Variants in GALNT17 observed in about 807,000 individuals in gnomAD.
GALNT17 encodes the protein UDP-GalNAc:polypeptide N-acetylgalactosaminyltransferase-like 3.
A neutral mutation model predicts 63.7 loss-of-function variants in GALNT17; 29 were observed. The observed-to-expected ratio is 0.46, with a 90% CI of 0.34 to 0.62. GALNT17 has a LOEUF of 0.62. GALNT17 is among the 20% of genes least tolerant of loss of function. GALNT17 has a pLI of 0.01. For synonymous variants in GALNT17, 305 were observed against 318.3 expected, an observed-to-expected ratio of 0.96 and a Z score of 0.45; for missense variants, 603 against 799.6, an observed-to-expected ratio of 0.75 and a Z score of 2.97.
At chr7:71,461,858 C>A (rs1240505241) in intron 5 of GALNT17, among the ~76,000 whole-genome samples, 1 of 152,154 alleles carries the variant, frequency 6.6e-6, no homozygotes, top group Non-Finnish European at 1.5e-5. Context: ...CTCGACAGGT[C>A]CGAGTTACTT....
intron 1 of GALNT17, among the ~76,000 whole-genome samples, chr7:71,154,160 G>A (rs546755926): frequency 4.6e-5 from 7 of 152,162 alleles, no homozygotes; most frequent in South Asian, 2.1e-4. Context: ...CTTTGAAGCC[G>A]TGTGCCACCA....
At chr7:71,581,013 CAGTT>C (rs1240794603) in intron 6 of GALNT17, among the ~76,000 whole-genome samples, 1 of 152,012 alleles carries the variant, frequency 6.6e-6, no homozygotes, top group Non-Finnish European at 1.5e-5. Context: ...AAACAAAAGA[CAGTT>C]AATTGATTCA....
At chr7:71,666,929 T>C (rs979125659) in intron 7 of GALNT17, among the ~76,000 whole-genome samples, 3 of 152,256 alleles carry the variant, frequency 2.0e-5, no homozygotes, top group Non-Finnish European at 4.4e-5. Flanking sequence ...TTTCCTCAGC[T>C]GTAAAATGAG....
At chr7:71,634,183 A>T (rs1790496274) in intron 6 of GALNT17, among the ~76,000 whole-genome samples, 1 of 151,858 alleles carries the variant, frequency 6.6e-6, no homozygotes, top group Non-Finnish European at 1.5e-5. Context: ...CTTTCTGTCC[A>T]TGTGCAATTG....
intron 6 of GALNT17, among the ~76,000 whole-genome samples, chr7:71,615,448 T>C (rs2116960246): frequency 1.3e-5 from 2 of 150,488 alleles, no homozygotes; most frequent in East Asian, 3.9e-4. Flanking sequence ...TTTTTCTATC[T>C]GCACTTTAGG....
chr7:71,494,857 T>C (rs912527327), intron 5 of GALNT17, among the ~76,000 whole-genome samples: 2 of 152,122 alleles, frequency 1.3e-5, no homozygotes, highest in Admixed American at 1.3e-4. Flanking sequence ...CAGGAAAGCT[T>C]GTGCGGGGGA....
chr7:71,622,913 A>G (rs1790317526), intron 6 of GALNT17, among the ~76,000 whole-genome samples: 1 of 152,186 alleles, frequency 6.6e-6, no homozygotes, highest in South Asian at 2.1e-4. Context: ...AAGATCTTTA[A>G]GCCCAGACTT....
intron 5 of GALNT17, among the ~76,000 whole-genome samples, chr7:71,552,015 T>TTTATTTA (rs1554307567): frequency 7.4e-5 from 2 of 27,102 alleles, no homozygotes; most frequent in Non-Finnish European, 1.4e-4. Context: ...GCTCTTTTTA[T>TTTATTTA]TTATTTATTT....
intron 2 of GALNT17, among the ~76,000 whole-genome samples, chr7:71,383,939 ACT>A (rs2116327686): frequency 6.6e-6 from 1 of 151,674 alleles, no homozygotes; most frequent in South Asian, 2.1e-4. Flanking sequence ...TCTCTTCAAG[ACT>A]CTGCTTTCAG....
At chr7:71,474,035 G>A (rs903783920) in intron 5 of GALNT17, among the ~76,000 whole-genome samples, 1 of 152,118 alleles carries the variant, frequency 6.6e-6, no homozygotes, top group Admixed American at 6.5e-5. Flanking sequence ...GCTAAACAAG[G>A]TGTGGATTAC....
chr7:71,589,564 C>G (rs975238794), intron 6 of GALNT17, among the ~76,000 whole-genome samples: 1 of 151,526 alleles, frequency 6.6e-6, no homozygotes, highest in Non-Finnish European at 1.5e-5. Context: ...AAACTGACAC[C>G]TTGTCTCTGA....
intron 6 of GALNT17, among the ~76,000 whole-genome samples, chr7:71,595,868 A>G (rs531422905): frequency 6.6e-6 from 1 of 152,238 alleles, no homozygotes; most frequent in East Asian, 1.9e-4. Flanking sequence ...TGAGATTTAT[A>G]CTAATGTAGT....
chr7:71,197,826 G>T (rs1387134541), intron 1 of GALNT17, among the ~76,000 whole-genome samples: 5 of 151,878 alleles, frequency 3.3e-5, no homozygotes, highest in Admixed American at 6.6e-5. Flanking sequence ...TATGTATCAA[G>T]ATTTTCTTTA....
At chr7:71,210,077 C>G (rs1012060241) in intron 1 of GALNT17, among the ~76,000 whole-genome samples, 2 of 152,154 alleles carry the variant, frequency 1.3e-5, no homozygotes, top group African/African-American at 4.8e-5. Context: ...CACCTGCCAC[C>G]ATGCCTGGCT....
At chr7:71,555,228 A>G (rs1789143354) in intron 5 of GALNT17, among the ~76,000 whole-genome samples, 1 of 150,908 alleles carries the variant, frequency 6.6e-6, no homozygotes, top group Non-Finnish European at 1.5e-5. Flanking sequence ...ACATTTCATC[A>G]TGAGATTTGG....
intron 5 of GALNT17, among the ~76,000 whole-genome samples, chr7:71,496,954 T>G (rs925275380): frequency 6.6e-6 from 1 of 151,040 alleles, no homozygotes; most frequent in African/African-American, 2.4e-5. Context: ...GGCATGCACC[T>G]GTAGTCCCAG....
At chr7:71,145,818 G>C (rs1338222894) in intron 1 of GALNT17, among the ~76,000 whole-genome samples, 3 of 152,108 alleles carry the variant, frequency 2.0e-5, no homozygotes, top group Non-Finnish European at 2.9e-5. Context: ...TGATTCTCCT[G>C]CCTCAGCCTG....
chr7:71,209,143 A>T (rs1194741736), intron 1 of GALNT17, among the ~76,000 whole-genome samples: 1 of 152,222 alleles, frequency 6.6e-6, no homozygotes, highest in Non-Finnish European at 1.5e-5. Flanking sequence ...TGTAATTTCC[A>T]TGTGTTGCAA....
intron 1 of GALNT17, among the ~76,000 whole-genome samples, chr7:71,271,702 G>A (rs981695511): frequency 6.6e-6 from 1 of 152,162 alleles, no homozygotes; most frequent in South Asian, 2.1e-4. Context: ...ATCCCATTTT[G>A]TGGTCAGTCT....
Sources: gnomAD v4.1 joint callset for allele counts (sites outside exome capture counted in the v4.1 genomes callset) on GRCh38, gnomAD v4.1.1 for gene constraint, MANE v1.5 for transcripts, NCBI Gene and HGNC (gene_info 2026-07-23, HGNC 2026-07-21) for gene names.